Variants in NLRP12 observed in about 807,000 individuals in gnomAD.
NLRP12 encodes the protein NACHT, LRR and PYD domains-containing protein 12.
A neutral mutation model predicts 91.2 loss-of-function variants in NLRP12; 108 were observed. The ratio of observed to expected loss-of-function variants is 1.18; its 90% confidence interval spans 1.01 to 1.39. The LOEUF (loss-of-function observed/expected upper bound fraction) is 1.39. NLRP12 is among the 40% of genes most tolerant of loss of function. NLRP12 has a pLI of 0.00. For missense variants in NLRP12, 1,530 were observed against 1,352.7 expected (o/e 1.13, Z -2.06); for synonymous variants, 613 against 566.7 (o/e 1.08, Z -1.16).
intron 5 of NLRP12, 78 bp from the exon 6 acceptor site, chr19:53,804,200 TTTA>T (rs1336251746): frequency 1.3e-6 from 2 of 1,499,956 alleles, no homozygotes; most frequent in African/African-American, 1.4e-5. Flanking sequence ...AGCCTGTTAT[TTTA>T]TTATTTAGGA....
chr19:53,817,338 G>A (rs944943092), intron 1 of NLRP12, among the ~76,000 whole-genome samples: 1 of 152,106 alleles, frequency 6.6e-6, no homozygotes, highest in Non-Finnish European at 1.5e-5. Flanking sequence ...GCTGAGGCAG[G>A]AGAATCGCTT....
At chr19:53,805,961 C>T (rs754376659) in intron 4 of NLRP12, among the ~76,000 whole-genome samples, 7 of 151,674 alleles carry the variant, frequency 4.6e-5, no homozygotes, top group Non-Finnish European at 8.8e-5. Flanking sequence ...AGGCCATGTG[C>T]GGTGGCTCAA....
chr19:53,820,631 C>T (rs2092251827), intron 1 of NLRP12, among the ~76,000 whole-genome samples: 1 of 152,102 alleles, frequency 6.6e-6, no homozygotes, highest in Admixed American at 6.6e-5. Context: ...ATCACTTCAG[C>T]CCAGGAGTTT....
chr19:53,804,686 T>C (rs1275341185), intron 5 of NLRP12, among the ~76,000 whole-genome samples: 1 of 150,532 alleles, frequency 6.6e-6, no homozygotes, highest in East Asian at 2.0e-4. Context: ...GCTGGGATTA[T>C]AGACGTGAAC....
chr19:53,801,155 T>A, intron 7 of NLRP12, 72 bp downstream of exon 7: 1 of 1,352,520 alleles, frequency 7.4e-7, no homozygotes, highest in Non-Finnish European at 1.1e-6. Flanking sequence ...CAACCTGGCC[T>A]CCGTGGTCCC....
Position 53,814,996 on chromosome 19 carries a change from A to G in NLRP12, c.290-8T>C, listed in dbSNP as rs768454480. The G allele has an allele frequency of 6.2e-7, 1 of 1,609,332 alleles. No homozygotes were observed. The highest frequency in any genetic ancestry group is 1.7e-5 in the Admixed American group (1 of 59,980). On this transcript the variant is annotated splice_polypyrimidine_tract_variant and splice_region_variant and intron_variant, in intron 1 of 9. Coordinates refer to ENST00000324134, the MANE Select transcript of NLRP12 (RefSeq NM_144687.4). ...GGCCACCAGGTGGGGTATCTGGAAG[A>G]GAAATTGTGGAAGATGAGCTAGCAC...
intron 7 of NLRP12, among the ~76,000 whole-genome samples, chr19:53,799,618 G>C (rs552647774): frequency 1.8e-3 from 280 of 151,982 alleles, no homozygotes; most frequent in Non-Finnish European, 3.4e-3. Flanking sequence ...TGAGTACCTG[G>C]ATATCAGGCG....
intron 9 of NLRP12, among the ~76,000 whole-genome samples, chr19:53,794,497 T>G (rs2091711015): frequency 8.4e-6 from 1 of 118,694 alleles, no homozygotes; most frequent in Non-Finnish European, 1.8e-5. Flanking sequence ...TTTTTTGTAT[T>G]TTTAGTAGAG....
At chr19:53,803,382 G>T (rs575965585) in intron 6 of NLRP12, among the ~76,000 whole-genome samples, 1 of 152,098 alleles carries the variant, frequency 6.6e-6, no homozygotes, top group East Asian at 1.9e-4. Context: ...GCTTCTCCAT[G>T]TTGGTCAGGC....
chr19:53,796,436 A>C (rs1052094671), intron 8 of NLRP12, among the ~76,000 whole-genome samples: 4 of 151,508 alleles, frequency 2.6e-5, no homozygotes, highest in African/African-American at 9.7e-5. Flanking sequence ...ATTAGTAGAG[A>C]GAGGGTTTCA....
chr19:53,796,283 C>T (rs2091758398), intron 8 of NLRP12: 1 of 434,332 alleles, frequency 2.3e-6, no homozygotes. Flanking sequence ...ATGGAGTCTC[C>T]CTCTGTTGCC....
chr19:53,803,970 C>A lies in NLRP12; in HGVS notation c.2567G>T (p.Cys856Phe), dbSNP rs1241287951. 3 of 1,613,990 alleles carry A rather than the reference C, an allele frequency of 1.9e-6. No individual in the cohort carries two copies. Among genetic ancestry groups the A allele is most frequent in the African/African-American group, 1.3e-5 (1 of 74,932 alleles). ...LLCQGLRHPVCRLRTLWLKIC... is the reference protein window; with the variant it reads ...LLCQGLRHPVFRLRTLWLKIC... ...AACTCACCACAAAGTCCGTAGTCTG[C>A]AGACTGGGTGCCTCAGTCCCTGGCA... The change falls in exon 6 of 10, where the codon TGC becomes TTC. Residue 856 changes from cysteine (C) to phenylalanine (F), a missense_variant. Physicochemically the swap from Cys to Phe is radical, Grantham distance 205. Coordinates refer to ENST00000324134, the MANE Select transcript of NLRP12 (RefSeq NM_144687.4).
chr19:53,804,346 C>A (rs2091921019), intron 5 of NLRP12, among the ~76,000 whole-genome samples: 1 of 151,810 alleles, frequency 6.6e-6, no homozygotes. Context: ...TGTGCACCAC[C>A]ACACCTGCCT....
In NLRP12 at chr19:53,810,706, C is replaced by A; in HGVS notation, c.953G>T (p.Arg318Leu). 6.2e-7 allele frequency: 1 copy of A among 1,613,966 alleles called. No individual in the cohort carries two copies. Among genetic ancestry groups the A allele is most frequent in the Non-Finnish European group, 8.5e-7 (1 of 1,179,998 alleles). ...GCTGTTAAGAAGCAGCTCCGTGGGC[C>A]GTTTCTCCTCCCAGCAGAGGCACCA... Reference protein sequence around the residue: ...GPWCLCWEEKRPTELLLNSLI... With the variant: ...GPWCLCWEEKLPTELLLNSLI... Residue 318 changes from arginine (R) to leucine (L), a missense_variant, in exon 3 of 10, where the codon CGG becomes CTG. Arg to Leu is a moderately radical substitution (Grantham distance 102). Coordinates refer to ENST00000324134, the MANE Select transcript of NLRP12 (RefSeq NM_144687.4).
intron 7 of NLRP12, among the ~76,000 whole-genome samples, chr19:53,800,231 G>A (rs1434815768): frequency 6.6e-6 from 1 of 152,082 alleles, no homozygotes; most frequent in African/African-American, 2.4e-5. Context: ...TGTGAACCCG[G>A]GAGGTGGAGC....
intron 1 of NLRP12, among the ~76,000 whole-genome samples, chr19:53,823,504 A>AT (rs1489609815): frequency 6.9e-5 from 6 of 87,330 alleles, no homozygotes; most frequent in Non-Finnish European, 1.1e-4. Context: ...ATTTATTTAA[A>AT]ATATATATTT....
rs541649122 is a variant in NLRP12, at chr19:53,798,223, C to T, written c.2927+20G>A. 64 of 1,614,026 alleles carry T rather than the reference C, an allele frequency of 4.0e-5. No individual in the cohort carries two copies. Among genetic ancestry groups the T allele is most frequent in the Admixed American group, 2.7e-4 (16 of 59,998 alleles). On this transcript the variant is annotated intron_variant, in intron 8 of 9. Transcript: ENST00000324134. ...TGTCCAAACGTGACCACTGCCACCCCGTCACTCCCCGATGCTCACCACAGT... is the reference window on the plus strand; with the variant it reads ...TGTCCAAACGTGACCACTGCCACCCTGTCACTCCCCGATGCTCACCACAGT...
intron 2 of NLRP12, among the ~76,000 whole-genome samples, chr19:53,812,328 TC>T (rs1366736528): frequency 6.7e-6 from 1 of 149,544 alleles, no homozygotes; most frequent in Non-Finnish European, 1.5e-5. Flanking sequence ...AGAAATGCAG[TC>T]CCTGGGCTAA....
Position 53,810,851 on chromosome 19 carries a change from T to C in NLRP12, c.808A>G (p.Ser270Gly), listed in dbSNP as rs2122677174. 1 of 1,614,062 alleles carries C rather than the reference T, an allele frequency of 6.2e-7. No individual in the cohort carries two copies. Among genetic ancestry groups the C allele is most frequent in the Non-Finnish European group, 8.5e-7 (1 of 1,180,016 alleles). The change falls in exon 3 of 10, where the codon AGC becomes GGC. Residue 270 changes from serine (S) to glycine (G), a missense_variant. Physicochemically the swap from Ser to Gly is moderately conservative, Grantham distance 56. Transcript: ENST00000324134. ...TECSMQDLIF[S>G]CWPEPSAPLQ... is the part of the protein sequence containing the mutation. ...GGCGCGCTGGGCTCAGGCCAGCAGCTGAAGATGAGGTCTTGCATGCTGCAT... is the reference window on the plus strand; with the variant it reads ...GGCGCGCTGGGCTCAGGCCAGCAGCCGAAGATGAGGTCTTGCATGCTGCAT...
Sources: allele counts gnomAD v4.1 joint callset (sites outside exome capture counted in the v4.1 genomes callset), GRCh38; gene constraint gnomAD v4.1.1; transcripts MANE v1.5; gene names NCBI Gene and HGNC (gene_info 2026-07-23, HGNC 2026-07-21).